Variants in ULK4 observed in about 807,000 individuals in gnomAD.
ULK4 encodes the protein inactive serine/threonine-protein kinase ULK4.
ULK4 carries 133 observed loss-of-function variants against 160.6 expected under a neutral mutation model. The observed-to-expected ratio is 0.83, with a 90% CI of 0.72 to 0.96. The LOEUF is 0.96. ULK4 is among the 40% of genes least tolerant of loss of function. The pLI, the probability that ULK4 is intolerant of heterozygous loss-of-function variation, is 0.00. For synonymous variants in ULK4, 534 were observed against 539.8 expected (o/e 0.99, Z 0.15); for missense variants, 1,580 against 1,499.5 (o/e 1.05, Z -0.89).
chr3:41,617,585 A>AACAT (rs1423713063), intron 30 of ULK4, among the ~76,000 whole-genome samples: 11 of 147,522 alleles, frequency 7.5e-5, no homozygotes, highest in African/African-American at 2.8e-4. Context: ...ACATCAACAT[A>AACAT]AAAAACCCCC....
intron 19 of ULK4, among the ~76,000 whole-genome samples, chr3:41,803,233 G>C (rs1012757439): frequency 2.0e-4 from 31 of 151,602 alleles, no homozygotes; most frequent in African/African-American, 6.6e-4. Flanking sequence ...GAAGGACATT[G>C]GATAACACTA....
chr3:41,630,130 AAC>A (rs1374933209), intron 30 of ULK4, among the ~76,000 whole-genome samples: 15 of 152,170 alleles, frequency 9.9e-5, no homozygotes, highest in African/African-American at 3.6e-4. Flanking sequence ...AATTCCCACA[AAC>A]ACAGCAGCTT....
At chr3:41,530,095 A>G (rs992739574) in intron 32 of ULK4, among the ~76,000 whole-genome samples, 1 of 152,202 alleles carries the variant, frequency 6.6e-6, no homozygotes, top group Admixed American at 6.5e-5. Context: ...ATACTGAATT[A>G]TGTACTTTCA....
chr3:41,278,672 C>CCA (rs2079279974), intron 35 of ULK4, among the ~76,000 whole-genome samples: 2 of 152,132 alleles, frequency 1.3e-5, no homozygotes, highest in Non-Finnish European at 2.9e-5. Flanking sequence ...CTGGAGTGGA[C>CCA]CTCCAGCAAA....
At chr3:41,673,124 G>A (rs1004703961) in intron 29 of ULK4, among the ~76,000 whole-genome samples, 8 of 152,094 alleles carry the variant, frequency 5.3e-5, no homozygotes, top group Non-Finnish European at 8.8e-5. Flanking sequence ...ACATGTGTGA[G>A]CCAACATACC....
chr3:41,382,673 G>C (rs117375392), intron 35 of ULK4, among the ~76,000 whole-genome samples: 1 of 151,912 alleles, frequency 6.6e-6, no homozygotes, highest in South Asian at 2.1e-4. Context: ...ACAAGAGGTC[G>C]TACTTTACAT....
intron 20 of ULK4, among the ~76,000 whole-genome samples, chr3:41,796,896 C>G (rs192311856): frequency 5.3e-5 from 8 of 152,038 alleles, no homozygotes; most frequent in Non-Finnish European, 1.2e-4. Flanking sequence ...CAGAACGGTA[C>G]GTGGTATCAG....
intron 29 of ULK4, among the ~76,000 whole-genome samples, chr3:41,675,401 C>G (rs961258055): frequency 4.0e-5 from 6 of 151,722 alleles, no homozygotes; most frequent in Non-Finnish European, 5.9e-5. Flanking sequence ...ACCAGCCTGG[C>G]CAACATGGTG....
rs570096310 is a variant in ULK4, at chr3:41,483,336, A to AT, written c.3227-20084dup. ...AACACATTTGCTCTGCTGCTTCAAG[A>AT]TTTTTTTAGTTTTAGGCATTATCTA... is the stretch of plus-strand genomic sequence containing the variant. On this transcript the variant is annotated intron_variant, in intron 32 of 36. Coordinates refer to ENST00000301831, the MANE Select transcript of ULK4 (RefSeq NM_017886.4). 9.2e-3 allele frequency among the ~76,000 whole-genome samples: 1,407 copies of AT among 152,162 alleles called. 7 individuals carry two copies. The highest frequency in any genetic ancestry group is 0.015 in the Non-Finnish European group (1,049 of 68,000).
At chr3:41,702,732 T>C (rs1009868327) in intron 27 of ULK4, among the ~76,000 whole-genome samples, 14 of 151,806 alleles carry the variant, frequency 9.2e-5, no homozygotes, top group Non-Finnish European at 1.8e-4. Flanking sequence ...AAAACAAAAA[T>C]TGTCAGAACT....
chr3:41,801,218 G>A (rs1280180438), intron 19 of ULK4, among the ~76,000 whole-genome samples: 1 of 151,744 alleles, frequency 6.6e-6, no homozygotes, highest in African/African-American at 2.4e-5. Flanking sequence ...ACACTGAATG[G>A]GATTAACAGA....
chr3:41,510,720 C>T (rs1448866071), intron 32 of ULK4, among the ~76,000 whole-genome samples: 1 of 152,126 alleles, frequency 6.6e-6, no homozygotes, highest in Admixed American at 6.5e-5. Context: ...AAATAATCTG[C>T]TCCTGAATGA....
At chr3:41,501,175 G>A (rs919146970) in intron 32 of ULK4, among the ~76,000 whole-genome samples, 1 of 148,400 alleles carries the variant, frequency 6.7e-6, no homozygotes, top group Admixed American at 6.9e-5. Flanking sequence ...GGCACAGCCA[G>A]TTTGGAAAAC....
chr3:41,517,069 A>G (rs114991239), intron 32 of ULK4, among the ~76,000 whole-genome samples: 1 of 152,318 alleles, frequency 6.6e-6, no homozygotes, highest in Non-Finnish European at 1.5e-5. Flanking sequence ...AAAGATCTGA[A>G]CAGATACCTC....
intron 23 of ULK4, among the ~76,000 whole-genome samples, chr3:41,717,479 A>T (rs1010903916): frequency 6.6e-6 from 1 of 152,194 alleles, no homozygotes; most frequent in African/African-American, 2.4e-5. Context: ...ATTTTCTAAA[A>T]TGGCCAGTTT....
At chr3:41,562,668 A>C (rs940369447) in intron 32 of ULK4, among the ~76,000 whole-genome samples, 13 of 151,904 alleles carry the variant, frequency 8.6e-5, no homozygotes, top group Admixed American at 3.3e-4. Flanking sequence ...TTTATCAGAG[A>C]CTGGGATTGT....
chr3:41,936,569 T>C (rs1699781436), intron 3 of ULK4, among the ~76,000 whole-genome samples: 2 of 152,098 alleles, frequency 1.3e-5, no homozygotes, highest in African/African-American at 4.8e-5. Flanking sequence ...ATATACACAA[T>C]GGAGTACTAT....
intron 22 of ULK4, among the ~76,000 whole-genome samples, chr3:41,742,362 C>T (rs558290940): frequency 1.3e-5 from 2 of 152,080 alleles, no homozygotes; most frequent in African/African-American, 4.8e-5. Flanking sequence ...CTTTAATTTC[C>T]CTGCTGTGAC....
intron 8 of ULK4, 49 bp from the exon 9 acceptor site, chr3:41,912,948 GA>G: frequency 6.3e-7 from 1 of 1,574,810 alleles, no homozygotes; most frequent in Non-Finnish European, 8.7e-7. Flanking sequence ...GATTTACCAT[GA>G]AAAATTCCCA....
Sources: allele counts gnomAD v4.1 joint callset (sites outside exome capture counted in the v4.1 genomes callset), GRCh38; gene constraint gnomAD v4.1.1; transcripts MANE v1.5; gene names NCBI Gene and HGNC (gene_info 2026-07-23, HGNC 2026-07-21).